Variants in SYNPR observed in about 807,000 individuals in gnomAD.
SYNPR encodes synaptoporin.
SYNPR carries 23 observed loss-of-function variants against 32.9 expected under a neutral mutation model. That is an observed-to-expected ratio of 0.70 (90% CI 0.50 to 0.99). The LOEUF is 0.99. Among genes scored for constraint, SYNPR ranks in the 50% least tolerant of loss-of-function variants. The probability of loss-of-function intolerance (pLI) is 0.00; values close to 1 mark genes in which losing one functional copy is unlikely to be tolerated. For synonymous variants in SYNPR, 146 were observed against 135.9 expected (o/e 1.07, Z -0.52); for missense variants, 318 against 349.3 (o/e 0.91, Z 0.71).
At chr3:63,602,186 G>A (rs897085977) in intron 4 of SYNPR, among the ~76,000 whole-genome samples, 14 of 151,938 alleles carry the variant, frequency 9.2e-5, no homozygotes, top group Non-Finnish European at 1.5e-4. Context: ...ACTTTTTAAC[G>A]GGGTTCTTTG....
intron 2 of SYNPR, among the ~76,000 whole-genome samples, chr3:63,419,905 T>C (rs913574207): frequency 6.6e-6 from 1 of 152,236 alleles, no homozygotes; most frequent in African/African-American, 2.4e-5. Context: ...AAGTAGTCTA[T>C]TTGGTGAAGA....
At chr3:63,609,466 A>T in intron 5 of SYNPR, 150 bp downstream of exon 5, 1 of 608,338 alleles carries the variant, frequency 1.6e-6, no homozygotes. Context: ...GTACAGGATG[A>T]TCACTTGGCC....
chr3:63,303,838 A>G (rs1423258674), intron 2 of SYNPR, among the ~76,000 whole-genome samples: 1 of 152,044 alleles, frequency 6.6e-6, no homozygotes, highest in Non-Finnish European at 1.5e-5. Flanking sequence ...CTTAAAAGCT[A>G]CATCATTGGT....
chr3:63,531,863 G>C (rs956187843), intron 3 of SYNPR, among the ~76,000 whole-genome samples: 1 of 152,038 alleles, frequency 6.6e-6, no homozygotes, highest in South Asian at 2.1e-4. Context: ...ACTGGTGTTG[G>C]GGAAATGAGA....
chr3:63,308,380 TAATA>T (rs1203031677), intron 2 of SYNPR, among the ~76,000 whole-genome samples: 2 of 152,022 alleles, frequency 1.3e-5, no homozygotes, highest in Non-Finnish European at 2.9e-5. Flanking sequence ...ATAATTGACA[TAATA>T]AATTACTTAA....
At chr3:63,593,589 C>G (rs917734858) in intron 4 of SYNPR, among the ~76,000 whole-genome samples, 2 of 152,098 alleles carry the variant, frequency 1.3e-5, no homozygotes, top group African/African-American at 4.8e-5. Flanking sequence ...TTTCTGGGAA[C>G]AGTCTAGAAA....
chr3:63,334,557 TGG>T (rs1491538701), intron 2 of SYNPR, among the ~76,000 whole-genome samples: 4 of 138,260 alleles, frequency 2.9e-5, no homozygotes, highest in African/African-American at 1.1e-4. Context: ...TGTGTGTGTG[TGG>T]ACACACGTGG....
chr3:63,583,790 T>C (rs1392060979), intron 4 of SYNPR, among the ~76,000 whole-genome samples: 2 of 152,150 alleles, frequency 1.3e-5, no homozygotes, highest in African/African-American at 4.8e-5. Context: ...TGATCTATTA[T>C]ATTACCCTTT....
At chr3:63,510,966 T>C (rs952764645) in intron 3 of SYNPR, among the ~76,000 whole-genome samples, 1 of 118,700 alleles carries the variant, frequency 8.4e-6, no homozygotes, top group African/African-American at 2.8e-5. Context: ...GTTTCATTTG[T>C]TCTGCAAATG....
chr3:63,233,991 T>G (rs987094495), intron 1 of SYNPR, among the ~76,000 whole-genome samples: 1 of 152,206 alleles, frequency 6.6e-6, no homozygotes, highest in African/African-American at 2.4e-5. Context: ...AAGAGCCTGT[T>G]CTGGAGCACA....
At chr3:63,255,246 G>T (rs1429922639) in intron 2 of SYNPR, among the ~76,000 whole-genome samples, 2 of 152,098 alleles carry the variant, frequency 1.3e-5, no homozygotes, top group Non-Finnish European at 2.9e-5. Context: ...TAATATTTAA[G>T]TGAGTTTCTC....
intron 3 of SYNPR, among the ~76,000 whole-genome samples, chr3:63,269,223 T>C (rs1233466329): frequency 6.6e-6 from 1 of 152,214 alleles, no homozygotes; most frequent in Non-Finnish European, 1.5e-5. Context: ...GTGCAGTGGC[T>C]CACGCCTGTA....
At chr3:63,601,344 A>T (rs1040412025) in intron 4 of SYNPR, among the ~76,000 whole-genome samples, 8 of 152,096 alleles carry the variant, frequency 5.3e-5, no homozygotes, top group African/African-American at 1.7e-4. Context: ...AAAATTCTCA[A>T]TTCTTTTTTT....
intron 3 of SYNPR, among the ~76,000 whole-genome samples, chr3:63,494,030 T>A (rs1287568723): frequency 6.6e-6 from 1 of 152,058 alleles, no homozygotes; most frequent in African/African-American, 2.4e-5. Context: ...TGATTGATTT[T>A]TTTTTTAAAT....
At chr3:63,524,810 T>G (rs1701976669) in intron 3 of SYNPR, among the ~76,000 whole-genome samples, 2 of 151,452 alleles carry the variant, frequency 1.3e-5, no homozygotes, top group African/African-American at 4.9e-5. Context: ...GAGTTCAAAA[T>G]GCATCATAAT....
At chr3:63,377,765 G>C (rs1271645543) in intron 2 of SYNPR, among the ~76,000 whole-genome samples, 1 of 151,940 alleles carries the variant, frequency 6.6e-6, no homozygotes, top group African/African-American at 2.4e-5. Flanking sequence ...TATGTTTCAT[G>C]ATTTTTCCTC....
At chr3:63,344,153 A>G (rs112561774) in intron 2 of SYNPR, among the ~76,000 whole-genome samples, 96 of 152,352 alleles carry the variant, frequency 6.3e-4, no homozygotes, top group African/African-American at 2.3e-3. Context: ...AAAAGGTAAT[A>G]ACCAAACCTC....
At chr3:63,382,395 G>A (rs1020198756) in intron 2 of SYNPR, among the ~76,000 whole-genome samples, 5 of 152,216 alleles carry the variant, frequency 3.3e-5, no homozygotes, top group Non-Finnish European at 5.9e-5. Flanking sequence ...TGGAAGCCTG[G>A]GTTTCCCACT....
chr3:63,497,375 G>C (rs1372191252), intron 3 of SYNPR, among the ~76,000 whole-genome samples: 1 of 152,250 alleles, frequency 6.6e-6, no homozygotes, highest in Middle Eastern at 3.4e-3. Context: ...TGGTGAAAGA[G>C]TTTGTCTTCA....
Sources: gnomAD v4.1 joint callset for allele counts (sites outside exome capture counted in the v4.1 genomes callset) on GRCh38, gnomAD v4.1.1 for gene constraint, MANE v1.5 for transcripts, NCBI Gene and HGNC (gene_info 2026-07-23, HGNC 2026-07-21) for gene names.